UPF3B: variants seen among roughly 807,000 people sequenced by gnomAD.
UPF3B encodes the protein regulator of nonsense transcripts 3B.
In UPF3B, 7 loss-of-function variants were observed where a neutral mutation model predicts 40.3. The observed-to-expected ratio is 0.17, with a 90% CI of 0.10 to 0.33. UPF3B has a LOEUF of 0.33. UPF3B is among the 10% of genes least tolerant of loss of function. The pLI, the probability that UPF3B is intolerant of heterozygous loss-of-function variation, is 1.00. For missense variants in UPF3B, 229 were observed against 358.9 expected (o/e 0.64, Z 2.93); for synonymous variants, 117 against 117.3 (o/e 1.00, Z 0.01).
At chrX:119,839,276 A>G (rs1369275558) in intron 8 of UPF3B, among the ~76,000 whole-genome samples, 1 of 112,370 alleles carries the variant, frequency 8.9e-6, no homozygotes, top group Non-Finnish European at 1.9e-5. Context: ...GGAGAGATCC[A>G]TTGCAGGAAT....
intron 5 of UPF3B, among the ~76,000 whole-genome samples, chrX:119,814,996 C>A (rs960687657): frequency 4.6e-5 from 5 of 107,634 alleles, no homozygotes; most frequent in Non-Finnish European, 9.6e-5. Context: ...CTCCCGAGTA[C>A]CTGGGACTAC....
At chrX:119,848,851 T>C (rs1337419245) in intron 3 of UPF3B, among the ~76,000 whole-genome samples, 1 of 111,758 alleles carries the variant, frequency 8.9e-6, no homozygotes, top group Non-Finnish European at 1.9e-5. Context: ...CTAATAGATA[T>C]GGGTTTCTTT....
chrX:119,838,938 G>C (rs1418155816), intron 8 of UPF3B, among the ~76,000 whole-genome samples: 1 of 110,878 alleles, frequency 9.0e-6, no homozygotes, highest in African/African-American at 3.3e-5. Context: ...ACCACATATG[G>C]CTAATTTTTT....
At chrX:119,826,397 G>A (rs1426749527) in intron 3 of UPF3B, among the ~76,000 whole-genome samples, 3 of 110,612 alleles carry the variant, frequency 2.7e-5, no homozygotes, top group Non-Finnish European at 5.7e-5. Context: ...CAGGAGAATA[G>A]CTTGAACCCA....
At chrX:119,843,431 T>C in intron 4 of UPF3B, 130 bp from the exon 5 acceptor site, 4 of 470,465 alleles carry the variant, frequency 8.5e-6, no homozygotes, top group Non-Finnish European at 1.1e-5. Flanking sequence ...AACCAAACCA[T>C]ACCCACAAGG....
chrX:119,841,906 T>C (rs2056165168), intron 5 of UPF3B, 128 bp from the exon 6 acceptor site: 6 of 516,036 alleles, frequency 1.2e-5, no homozygotes, highest in Admixed American at 9.4e-5. Context: ...AAGATCACAA[T>C]TGTAATATCA....
In UPF3B at chrX:119,846,006, A is replaced by T. The variant is rs768772973; in HGVS notation, c.371-710T>A. 8.1e-5 allele frequency among the ~76,000 whole-genome samples: 9 copies of T among 110,547 alleles called. No homozygotes were observed. The South Asian group carries it at 2.2e-3, about 28-fold the overall frequency. On this transcript the variant is annotated intron_variant, in intron 3 of 10. Transcript: ENST00000276201. Reference sequence around the variant, plus strand: ...TGTATACAATATGTATACATTTCATAATGTATACATTTCATAATGTATACA... The same window carrying T: ...TGTATACAATATGTATACATTTCATTATGTATACATTTCATAATGTATACA...
intron 4 of UPF3B, 58 bp downstream of exon 4, chrX:119,845,140 G>T: frequency 1.0e-6 from 1 of 987,168 alleles, no homozygotes; most frequent in Non-Finnish European, 1.4e-6. Context: ...CTCTCACAAA[G>T]ATATTATTTT....
intron 6 of UPF3B, among the ~76,000 whole-genome samples, chrX:119,807,027 TAAAAAAAAAAAAAA>T: frequency 1.4e-4 from 3 of 21,419 alleles, no homozygotes; most frequent in Non-Finnish European, 2.6e-4. Context: ...AGACCCTGTC[TAAAAAAAAAAAAAA>T]AAAAAAAAAA....
At chrX:119,852,645 C>A (rs780729725) in intron 1 of UPF3B, 128 bp downstream of exon 1, 9 of 1,047,138 alleles carry the variant, frequency 8.6e-6, no homozygotes, top group South Asian at 2.0e-5. Flanking sequence ...CAGGATGATG[C>A]GACTTCCATT....
downstream of UPF3B, chrX:119,831,778 T>C: frequency 7.7e-6 from 5 of 650,140 alleles, no homozygotes; most frequent in Non-Finnish European, 9.2e-6. Context: ...CAATGAAATA[T>C]GTTACTGTTA....
intron 3 of UPF3B, among the ~76,000 whole-genome samples, chrX:119,826,283 C>A (rs1249154421): frequency 9.0e-6 from 1 of 110,853 alleles, no homozygotes; most frequent in Non-Finnish European, 1.9e-5. Context: ...GAGTTTGAGA[C>A]CGGCCTCGCC....
At chrX:119,824,764 CTTTTTT>C (rs11351287) in intron 3 of UPF3B, among the ~76,000 whole-genome samples, 1,105 of 65,665 alleles carry the variant, frequency 0.017, 13 homozygotes, top group African/African-American at 0.069. Flanking sequence ...CCATTTCTTT[CTTTTTT>C]TTTTTTTTTT....
rs1393178005 is a variant in UPF3B, at chrX:119,837,746, A to T, written c.1302+11T>A. On this transcript the variant is annotated intron_variant, in intron 10 of 10. Coordinates refer to ENST00000276201, the MANE Select transcript of UPF3B (RefSeq NM_080632.3). The stretch of plus-strand genomic sequence containing the variant: ...AAAACCCTCATAAACAAGTTTAATG[A>T]CAAGCAGCACCTTGTTTCTTATTCG... 4 of 1,208,904 alleles carry T rather than the reference A, an allele frequency of 3.3e-6. No individual in the cohort carries two copies. The South Asian group carries it at 7.1e-5, about 21-fold the overall frequency.
At chrX:119,845,095 A>G in intron 4 of UPF3B, 103 bp downstream of exon 4, 3 of 634,208 alleles carry the variant, frequency 4.7e-6, no homozygotes, top group Non-Finnish European at 7.6e-6. Context: ...TTTATTTTGT[A>G]TATTTTCTAA....
chrX:119,849,987 T>C (rs765481337), intron 3 of UPF3B, among the ~76,000 whole-genome samples: 102 of 106,782 alleles, frequency 9.6e-4, no homozygotes, highest in Non-Finnish European at 1.7e-3. Context: ...GAAAGGATAG[T>C]CTCTTTAATA....
intron 5 of UPF3B, among the ~76,000 whole-genome samples, chrX:119,842,794 A>G (rs1202095962): frequency 1.8e-5 from 2 of 111,725 alleles, no homozygotes; most frequent in Admixed American, 1.9e-4. Flanking sequence ...GAGAACCAAG[A>G]TCCAAGCTAG....
At chrX:119,840,141 T>C (rs1053119793) in intron 8 of UPF3B, among the ~76,000 whole-genome samples, 4 of 111,968 alleles carry the variant, frequency 3.6e-5, no homozygotes, top group African/African-American at 9.7e-5. Flanking sequence ...AGGAAATATG[T>C]TGAAACAAGG....
chrX:119,848,780 T>C (rs907505359), intron 3 of UPF3B, among the ~76,000 whole-genome samples: 1 of 111,246 alleles, frequency 9.0e-6, no homozygotes, highest in Non-Finnish European at 1.9e-5. Context: ...AGGGAAATCA[T>C]AGATACATAA....
Sources: gnomAD v4.1 joint callset for allele counts (sites outside exome capture counted in the v4.1 genomes callset) on GRCh38, gnomAD v4.1.1 for gene constraint, MANE v1.5 for transcripts, NCBI Gene and HGNC (gene_info 2026-07-23, HGNC 2026-07-21) for gene names.